Variants in PLSCR4 observed in about 807,000 individuals in gnomAD.
PLSCR4 encodes phospholipid scramblase 4, also known as Ca(2+)-dependent phospholipid scramblase 4.
A neutral mutation model predicts 36.3 loss-of-function variants in PLSCR4; 25 were observed. That is an observed-to-expected ratio of 0.69 (90% CI 0.50 to 0.96). PLSCR4 has a LOEUF of 0.96. Among genes scored for constraint, PLSCR4 ranks in the 40% least tolerant of loss-of-function variants. PLSCR4 has a pLI of 0.00. For synonymous variants in PLSCR4, 122 were observed against 132.9 expected, an observed-to-expected ratio of 0.92 and a Z score of 0.56; for missense variants, 408 against 414.7, an observed-to-expected ratio of 0.98 and a Z score of 0.14.
chr3:146,246,513 A>C (rs2036345153), intron 1 of PLSCR4, among the ~76,000 whole-genome samples: 1 of 152,030 alleles, frequency 6.6e-6, no homozygotes, highest in South Asian at 2.1e-4. Context: ...ACCTTTATTA[A>C]ATATATTAAT....
intron 1 of PLSCR4, among the ~76,000 whole-genome samples, chr3:146,225,595 CTT>C (rs2035425865): frequency 6.6e-6 from 1 of 152,200 alleles, no homozygotes; most frequent in Admixed American, 6.5e-5. Flanking sequence ...GCAGCTAAGG[CTT>C]GGTGAGAAAT....
chr3:146,226,476 T>C (rs1398527), intron 1 of PLSCR4, among the ~76,000 whole-genome samples: 57,784 of 152,160 alleles, frequency 0.38, 11,691 homozygotes, highest in South Asian at 0.53. Context: ...TCTATGTGTC[T>C]GTCCGCCTAT....
chr3:146,206,556 G>A lies in PLSCR4; in HGVS notation c.324C>T (p.Asn108=), dbSNP rs778162192. The part of the protein sequence containing the change: ...TWMPGPTPMA[N]CPPGLEYLVQ... ...CTAAGTATTCCAGACCAGGAGGGCA[G>A]TTTGCCATAGGAGTTGGCCCTGGCA... Residue 108 remains asparagine, a synonymous_variant, in exon 4 of 9, where the codon AAC becomes AAT. Transcript: ENST00000354952. 1 of 1,613,208 alleles carries A rather than the reference G, an allele frequency of 6.2e-7. No homozygotes were observed. The highest frequency in any genetic ancestry group is 8.5e-7 in the Non-Finnish European group (1 of 1,179,342).
chr3:146,197,518 C>CA (rs938587265), intron 6 of PLSCR4, among the ~76,000 whole-genome samples: 10 of 151,674 alleles, frequency 6.6e-5, no homozygotes, highest in East Asian at 1.9e-4. Context: ...TAACAGAAAA[C>CA]AAAAAAGAGG....
intron 1 of PLSCR4, among the ~76,000 whole-genome samples, chr3:146,224,469 C>T (rs9870547): frequency 0.37 from 55,211 of 149,706 alleles, 10,159 homozygotes; most frequent in African/African-American, 0.43. Flanking sequence ...CTTAAGGTGG[C>T]GCATCTGGAG....
intron 1 of PLSCR4, among the ~76,000 whole-genome samples, chr3:146,237,844 T>G (rs546575907): frequency 2.7e-4 from 41 of 151,174 alleles, no homozygotes; most frequent in African/African-American, 9.2e-4. Context: ...AGGAAAGAAA[T>G]AAAGATTAGA....
At chr3:146,221,677 T>C (rs1015224004) in intron 2 of PLSCR4, among the ~76,000 whole-genome samples, 1 of 152,188 alleles carries the variant, frequency 6.6e-6, no homozygotes, top group African/African-American at 2.4e-5. Context: ...TGTAAGTTAC[T>C]AGAAAATACA....
At chr3:146,238,487 C>CA (rs970060135) in intron 1 of PLSCR4, among the ~76,000 whole-genome samples, 9 of 150,790 alleles carry the variant, frequency 6.0e-5, no homozygotes, top group East Asian at 1.9e-4. Flanking sequence ...GTTTATCAAA[C>CA]AAAAAAAACC....
At chr3:146,215,380 C>T (rs1202479727) in intron 3 of PLSCR4, among the ~76,000 whole-genome samples, 1 of 151,716 alleles carries the variant, frequency 6.6e-6, no homozygotes, top group Non-Finnish European at 1.5e-5. Flanking sequence ...ATTTGAAAGC[C>T]AATGATTTAA....
intron 3 of PLSCR4, among the ~76,000 whole-genome samples, chr3:146,219,357 TAAGA>T (rs1282974187): frequency 1.3e-5 from 2 of 152,192 alleles, no homozygotes; most frequent in Non-Finnish European, 1.5e-5. Context: ...TTGGTAAATA[TAAGA>T]TAGATCTTGT....
chr3:146,208,678 A>G (rs2034467136), intron 3 of PLSCR4, among the ~76,000 whole-genome samples: 1 of 152,158 alleles, frequency 6.6e-6, no homozygotes, highest in Non-Finnish European at 1.5e-5. Flanking sequence ...AGCATCACTA[A>G]TGATCAGGGA....
chr3:146,232,883 G>A (rs753802279), intron 1 of PLSCR4, among the ~76,000 whole-genome samples: 2 of 152,074 alleles, frequency 1.3e-5, no homozygotes, highest in Non-Finnish European at 1.5e-5. Context: ...GTTTTTTACT[G>A]TGTGCAAACT....
rs375252076 is a variant in PLSCR4, at chr3:146,218,360, G to C, written c.118+2455C>G. On this transcript the variant is annotated intron_variant, in intron 3 of 8. Transcript: ENST00000354952. Reference sequence around the variant, plus strand: ...ATTAATCATTATATCACTTCAATGAGTTAATGATTAATTTACCATGTACTT... The same window carrying C: ...ATTAATCATTATATCACTTCAATGACTTAATGATTAATTTACCATGTACTT... Among the ~76,000 whole-genome samples, 10 of 151,600 alleles carry C rather than the reference G, an allele frequency of 6.6e-5. No homozygotes were observed. In the South Asian group the frequency reaches 2.1e-3, roughly 31 times the overall value.
At chr3:146,242,067 A>T (rs1265782935) in intron 1 of PLSCR4, among the ~76,000 whole-genome samples, 3 of 152,206 alleles carry the variant, frequency 2.0e-5, no homozygotes, top group Admixed American at 1.3e-4. Flanking sequence ...TCAACTGATC[A>T]GACCATGTCC....
At chr3:146,228,552 C>T (rs937451918) in intron 1 of PLSCR4, among the ~76,000 whole-genome samples, 11 of 152,066 alleles carry the variant, frequency 7.2e-5, no homozygotes, top group African/African-American at 2.7e-4. Flanking sequence ...TAGGGTACAC[C>T]TTAAGAGGCT....
At chr3:146,206,070 T>C (rs1365546859) in intron 4 of PLSCR4, among the ~76,000 whole-genome samples, 1 of 152,060 alleles carries the variant, frequency 6.6e-6, no homozygotes, top group African/African-American at 2.4e-5. Flanking sequence ...ATATTGTTTG[T>C]TTTTGGGGGT....
intron 3 of PLSCR4, among the ~76,000 whole-genome samples, chr3:146,213,674 T>G (rs1576465070): frequency 6.6e-6 from 1 of 152,304 alleles, no homozygotes; most frequent in East Asian, 1.9e-4. Flanking sequence ...TGGAAAAGTT[T>G]TAAATGACGA....
chr3:146,225,756 G>A (rs1200623222), intron 1 of PLSCR4, among the ~76,000 whole-genome samples: 3 of 152,304 alleles, frequency 2.0e-5, no homozygotes, highest in South Asian at 2.1e-4. Flanking sequence ...ACGCCCACCC[G>A]GAACTCCAGC....
chr3:146,242,660 G>A (rs576385643), intron 1 of PLSCR4, among the ~76,000 whole-genome samples: 7 of 152,208 alleles, frequency 4.6e-5, no homozygotes, highest in South Asian at 4.1e-4. Flanking sequence ...CTAGAGCTTC[G>A]CCCTCTGGAA....
Sources: gnomAD v4.1 joint callset for allele counts (sites outside exome capture counted in the v4.1 genomes callset) on GRCh38, gnomAD v4.1.1 for gene constraint, MANE v1.5 for transcripts, NCBI Gene and HGNC (gene_info 2026-07-23, HGNC 2026-07-21) for gene names.